The following SHISA9 variants were observed in gnomAD, a reference collection of about 807,000 sequenced individuals.
SHISA9 encodes shisa family member 9.
In SHISA9, 13 loss-of-function variants were observed where a neutral mutation model predicts 38.0. That is an observed-to-expected ratio of 0.34 (90% CI 0.22 to 0.54). The LOEUF is 0.54. Ranked by LOEUF, SHISA9 falls within the 20% of genes least tolerant of loss-of-function variation. SHISA9 has a pLI of 0.91. For missense variants in SHISA9, 538 were observed against 575.8 expected (o/e 0.93, Z 0.67); for synonymous variants, 275 against 242.0 (o/e 1.14, Z -1.27).
chr16:13,071,290 G>A (rs1002640502), intron 2 of SHISA9, among the ~76,000 whole-genome samples: 1 of 152,108 alleles, frequency 6.6e-6, no homozygotes. Flanking sequence ...CCCATACTAG[G>A]GATAAGAATC....
chr16:13,445,026 A>G, the SHISA9 span, among the ~76,000 whole-genome samples: 1 of 116,874 alleles, frequency 8.6e-6, no homozygotes, highest in Non-Finnish European at 1.8e-5. Context: ...ATATATATAT[A>G]TATGTTGTAT....
the SHISA9 span, among the ~76,000 whole-genome samples, chr16:13,478,390 C>T: frequency 1.3e-5 from 2 of 152,294 alleles, no homozygotes; most frequent in African/African-American, 4.8e-5. Flanking sequence ...AAAGATCACA[C>T]CCTAAGAACC....
At chr16:13,012,450 G>A (rs2072690007) in intron 2 of SHISA9, among the ~76,000 whole-genome samples, 1 of 152,160 alleles carries the variant, frequency 6.6e-6, no homozygotes, top group Admixed American at 6.5e-5. Context: ...TGATGGAGGT[G>A]TAGGAAGACA....
At chr16:13,340,304 C>T in the SHISA9 span, among the ~76,000 whole-genome samples, 4 of 152,136 alleles carry the variant, frequency 2.6e-5, no homozygotes, top group Admixed American at 6.5e-5. Context: ...TTGCCTTTTT[C>T]GCTCCCCAGA....
the SHISA9 span, among the ~76,000 whole-genome samples, chr16:13,504,077 C>G: frequency 6.6e-6 from 1 of 152,152 alleles, no homozygotes; most frequent in African/African-American, 2.4e-5. Context: ...TCAAAATGAG[C>G]ATTGGCTTTA....
intron 2 of SHISA9, among the ~76,000 whole-genome samples, chr16:12,952,339 C>T (rs2071769150): frequency 6.6e-6 from 1 of 152,200 alleles, no homozygotes; most frequent in Non-Finnish European, 1.5e-5. Context: ...CACGGTCCCT[C>T]CTCACAAATG....
chr16:13,466,228 T>C, the SHISA9 span, among the ~76,000 whole-genome samples: 2 of 152,174 alleles, frequency 1.3e-5, no homozygotes, highest in African/African-American at 4.8e-5. Flanking sequence ...ACGCGGCCAC[T>C]TGGGGCTTCT....
At chr16:13,433,984 G>T in the SHISA9 span, among the ~76,000 whole-genome samples, 1 of 152,214 alleles carries the variant, frequency 6.6e-6, no homozygotes, top group South Asian at 2.1e-4. Flanking sequence ...ACAAGGTGAG[G>T]TCCCATAATA....
At chr16:13,062,078 G>C (rs2073383072) in intron 2 of SHISA9, among the ~76,000 whole-genome samples, 1 of 152,138 alleles carries the variant, frequency 6.6e-6, no homozygotes. Flanking sequence ...GTCTGTTGCA[G>C]CTTGGGCTGC....
At chr16:13,091,257 G>C (rs909402561) in intron 2 of SHISA9, among the ~76,000 whole-genome samples, 1 of 152,148 alleles carries the variant, frequency 6.6e-6, no homozygotes, top group African/African-American at 2.4e-5. Flanking sequence ...CAACCTTGGT[G>C]AATCTGACAA....
intron 2 of SHISA9, among the ~76,000 whole-genome samples, chr16:12,952,806 C>T (rs2071776655): frequency 1.3e-5 from 2 of 152,166 alleles, no homozygotes; most frequent in African/African-American, 4.8e-5. Flanking sequence ...TCAATTGACC[C>T]TCTTTTCTTC....
At chr16:13,360,689 G>A in the SHISA9 span, among the ~76,000 whole-genome samples, 1 of 152,154 alleles carries the variant, frequency 6.6e-6, no homozygotes, top group South Asian at 2.1e-4. Context: ...ACTAATACAG[G>A]GCTTTTATCA....
chr16:13,535,689 G>C, the SHISA9 span, among the ~76,000 whole-genome samples: 1 of 151,734 alleles, frequency 6.6e-6, no homozygotes, highest in African/African-American at 2.4e-5. Flanking sequence ...TCATGCCCAT[G>C]AGGCTTTCCT....
chr16:13,421,735 CAGTA>C, the SHISA9 span, among the ~76,000 whole-genome samples: 15 of 152,318 alleles, frequency 9.8e-5, no homozygotes, highest in South Asian at 2.1e-4. Context: ...ATTTGACACA[CAGTA>C]AGTATCAACA....
intron 2 of SHISA9, among the ~76,000 whole-genome samples, chr16:12,992,858 G>A (rs1318965429): frequency 1.3e-5 from 2 of 152,202 alleles, no homozygotes; most frequent in Non-Finnish European, 2.9e-5. Flanking sequence ...CCATGACTGA[G>A]CACTTCACAT....
At chr16:13,181,033 T>C (rs2050772233) in intron 2 of SHISA9, among the ~76,000 whole-genome samples, 1 of 151,920 alleles carries the variant, frequency 6.6e-6, no homozygotes, top group South Asian at 2.1e-4. Context: ...ATTAAACCAG[T>C]AGGCAAAATA....
chr16:13,022,740 T>C (rs532160764), intron 2 of SHISA9, among the ~76,000 whole-genome samples: 1 of 152,260 alleles, frequency 6.6e-6, no homozygotes, highest in African/African-American at 2.4e-5. Context: ...TAGCAGGGCC[T>C]ACAGGTGCAC....
the SHISA9 span, among the ~76,000 whole-genome samples, chr16:13,428,457 A>G: frequency 0.012 from 1,890 of 152,266 alleles, 40 homozygotes; most frequent in African/African-American, 0.042. Flanking sequence ...GGTTTTATAG[A>G]CACAAACTCT....
the SHISA9 span, among the ~76,000 whole-genome samples, chr16:13,511,226 A>C: frequency 1.3e-5 from 2 of 152,248 alleles, no homozygotes; most frequent in Non-Finnish European, 2.9e-5. Context: ...GAAATTAGTC[A>C]CTGAGATGAA....
Sources: gnomAD v4.1 joint callset for allele counts (sites outside exome capture counted in the v4.1 genomes callset) on GRCh38, gnomAD v4.1.1 for gene constraint, MANE v1.5 for transcripts, NCBI Gene and HGNC (gene_info 2026-07-23, HGNC 2026-07-21) for gene names.